The following ANXA8 variants were observed in gnomAD, a reference collection of about 807,000 sequenced individuals.
ANXA8 encodes annexin A8.
ANXA8 carries 9 observed loss-of-function variants against 26.8 expected under a neutral mutation model. The observed-to-expected ratio is 0.34, with a 90% CI of 0.20 to 0.59. The LOEUF is 0.59. Ranked by LOEUF, ANXA8 falls within the 20% of genes least tolerant of loss-of-function variation. The pLI is 0.84. For synonymous variants in ANXA8, 39 were observed against 94.8 expected, an observed-to-expected ratio of 0.41 and a Z score of 3.42; for missense variants, 83 against 238.5, an observed-to-expected ratio of 0.35 and a Z score of 4.29.
the ANXA8 span, among the ~76,000 whole-genome samples, chr10:47,561,343 AGTG>A: frequency 6.6e-6 from 1 of 151,492 alleles, no homozygotes; most frequent in Non-Finnish European, 1.5e-5. Context: ...CCTGAGCTCA[AGTG>A]ATCCTCCCAC....
chr10:47,558,795 G>C, the ANXA8 span, among the ~76,000 whole-genome samples: 3 of 151,764 alleles, frequency 2.0e-5, no homozygotes, highest in African/African-American at 4.9e-5. Flanking sequence ...TTTGATCTCT[G>C]TTGGTCCTGT....
the ANXA8 span, among the ~76,000 whole-genome samples, chr10:47,585,629 A>G: frequency 1.4e-5 from 2 of 146,074 alleles, no homozygotes; most frequent in African/African-American, 5.3e-5. Flanking sequence ...GAAAATAAGT[A>G]TAAACCACCA....
At chr10:47,953,083 T>C in the ANXA8 span, among the ~76,000 whole-genome samples, 225 of 150,564 alleles carry the variant, frequency 1.5e-3, 3 homozygotes, top group Non-Finnish European at 2.7e-3. Context: ...CACATAAAAT[T>C]TTCGAGGAAA....
At chr10:47,626,996 C>T in the ANXA8 span, among the ~76,000 whole-genome samples, 1 of 149,368 alleles carries the variant, frequency 6.7e-6, no homozygotes, top group Non-Finnish European at 1.5e-5. Flanking sequence ...AAGAACCTAA[C>T]AGAAACATAA....
chr10:47,644,270 A>G, the ANXA8 span, among the ~76,000 whole-genome samples: 1 of 149,506 alleles, frequency 6.7e-6, no homozygotes, highest in East Asian at 1.9e-4. Flanking sequence ...CTTATAAGAG[A>G]AAAATCATTA....
chr10:47,733,218 T>TTTC, the ANXA8 span, among the ~76,000 whole-genome samples: 2 of 95,300 alleles, frequency 2.1e-5, no homozygotes, highest in Non-Finnish European at 4.7e-5. Flanking sequence ...TCTTTCTTTC[T>TTTC]TTCTCTTTCT....
chr10:47,498,297 C>T, the ANXA8 span, among the ~76,000 whole-genome samples: 1 of 147,642 alleles, frequency 6.8e-6, no homozygotes, highest in East Asian at 2.6e-4. Flanking sequence ...GTAATGTCCT[C>T]AATGTTCATC....
chr10:47,894,887 CACACACACAAAAT>C, the ANXA8 span, among the ~76,000 whole-genome samples: 1 of 152,158 alleles, frequency 6.6e-6, no homozygotes, highest in African/African-American at 2.4e-5. Context: ...CACAATACAA[CACACACACAAAAT>C]ACACACACAG....
chr10:47,900,404 T>C, the ANXA8 span, among the ~76,000 whole-genome samples: 2 of 150,008 alleles, frequency 1.3e-5, no homozygotes, highest in Non-Finnish European at 3.0e-5. Context: ...CCAAGGTTAA[T>C]TCTAGGTCAT....
the ANXA8 span, among the ~76,000 whole-genome samples, chr10:47,733,296 T>TTTC: frequency 2.9e-5 from 2 of 69,676 alleles, no homozygotes; most frequent in African/African-American, 7.2e-5. Flanking sequence ...TCTTTCTTTC[T>TTTC]TTTTTTTCTT....
chr10:47,932,732 G>GTCTCTCTCTC, the ANXA8 span, among the ~76,000 whole-genome samples: 32 of 86,432 alleles, frequency 3.7e-4, 6 homozygotes, highest in Middle Eastern at 0.013. Context: ...CTGTCTTTCT[G>GTCTCTCTCTC]TCTCTCTCTC....
At chr10:47,493,493 G>T in the ANXA8 span, among the ~76,000 whole-genome samples, 1 of 147,616 alleles carries the variant, frequency 6.8e-6, no homozygotes, top group Admixed American at 6.7e-5. Flanking sequence ...ACTCACACAA[G>T]GGTCCTTTCT....
At chr10:47,604,737 G>A in the ANXA8 span, among the ~76,000 whole-genome samples, 3 of 152,288 alleles carry the variant, frequency 2.0e-5, no homozygotes, top group African/African-American at 7.2e-5. Context: ...AGCAATTGAT[G>A]GTGAAATTAA....
At chr10:47,946,774 C>A in the ANXA8 span, among the ~76,000 whole-genome samples, 1 of 151,396 alleles carries the variant, frequency 6.6e-6, no homozygotes, top group Non-Finnish European at 1.5e-5. Context: ...CTCACTGCAA[C>A]CTCCGCCTCC....
the ANXA8 span, among the ~76,000 whole-genome samples, chr10:47,687,709 C>A: frequency 6.6e-6 from 1 of 151,836 alleles, no homozygotes; most frequent in Non-Finnish European, 1.5e-5. Flanking sequence ...AGCTAATATA[C>A]CAGTTATTCC....
the ANXA8 span, among the ~76,000 whole-genome samples, chr10:47,688,392 G>C: frequency 1.5e-4 from 22 of 149,506 alleles, no homozygotes; most frequent in Non-Finnish European, 5.9e-5. Context: ...TGGGATTACC[G>C]GTGTGAGCCA....
At chr10:47,769,631 G>A in the ANXA8 span, among the ~76,000 whole-genome samples, 17 of 151,498 alleles carry the variant, frequency 1.1e-4, no homozygotes, top group East Asian at 2.0e-3. Flanking sequence ...GATCTTGAAC[G>A]AGACCATTTT....
chr10:47,533,187 A>T, the ANXA8 span, among the ~76,000 whole-genome samples: 31 of 124,624 alleles, frequency 2.5e-4, no homozygotes, highest in African/African-American at 7.8e-4. Flanking sequence ...AACACACATC[A>T]CACACACACA....
the ANXA8 span, among the ~76,000 whole-genome samples, chr10:47,510,807 G>C: frequency 2.1e-4 from 18 of 86,550 alleles, no homozygotes; most frequent in African/African-American, 8.9e-4. Context: ...TCCAGGCCGG[G>C]AGACAAAGTG....
Sources: allele counts gnomAD v4.1 joint callset (sites outside exome capture counted in the v4.1 genomes callset), GRCh38; gene constraint gnomAD v4.1.1; transcripts MANE v1.5; gene names NCBI Gene and HGNC (gene_info 2026-07-23, HGNC 2026-07-21).